ACSM6: variants seen among roughly 807,000 people sequenced by gnomAD.
ACSM6 encodes acyl-coenzyme A synthetase ACSM6, mitochondrial.
Under a neutral mutation model 51.1 loss-of-function variants are expected in ACSM6, and 35 were observed. That is an observed-to-expected ratio of 0.69 (90% CI 0.52 to 0.91). ACSM6 has a LOEUF of 0.91. Among genes scored for constraint, ACSM6 ranks in the 40% least tolerant of loss-of-function variants. ACSM6 has a pLI of 0.00. For synonymous variants in ACSM6, 172 were observed against 207.3 expected, an observed-to-expected ratio of 0.83 and a Z score of 1.46; for missense variants, 509 against 584.1, an observed-to-expected ratio of 0.87 and a Z score of 1.32.
intron 9 of ACSM6, among the ~76,000 whole-genome samples, chr10:95,223,159 G>GACACACACACACACACAC (rs10572248): frequency 6.8e-6 from 1 of 146,798 alleles, no homozygotes; most frequent in Non-Finnish European, 1.5e-5. Context: ...CACACATACA[G>GACACACACACACACACAC]ACACACACAC....
exon 10 of ACSM6, chr10:95,225,298 T>C: frequency 6.4e-7 from 1 of 1,550,702 alleles, no homozygotes; most frequent in Non-Finnish European, 8.7e-7. Flanking sequence ...AGATTGTGGA[T>C]GAAAACTCAA....
rs186453027 is a variant in ACSM6, at chr10:95,196,489, T to C, written c.192+1812T>C. Among the ~76,000 whole-genome samples, 312 of 152,344 alleles carry C rather than the reference T, an allele frequency of 2.0e-3. 2 individuals are homozygous for C. The highest frequency in any genetic ancestry group is 3.0e-3 in the Non-Finnish European group (203 of 68,032). On this transcript the variant is annotated intron_variant, in intron 2 of 10. Coordinates refer to ENST00000341686, the Ensembl canonical transcript of ACSM6. ...CATTTAAGAGCACTTCATCATAGAA[T>C]TGTTAGAAAATACTGGTAAACATGA...
chr10:95,201,932 T>C (rs1263901601), intron 2 of ACSM6, 53 bp from the exon 3 acceptor site: 1 of 1,489,366 alleles, frequency 6.7e-7, no homozygotes, highest in East Asian at 2.5e-5. Flanking sequence ...TGGCCTCCCA[T>C]AGCCAATGTC....
intron 2 of ACSM6, chr10:95,201,346 C>G (rs141500188): frequency 0.032 from 12,636 of 391,284 alleles, 306 homozygotes; most frequent in Non-Finnish European, 0.041. Context: ...TCTATTATTT[C>G]CATCTTTATG....
chr10:95,200,365 G>C (rs867836970), intron 2 of ACSM6, among the ~76,000 whole-genome samples: 14 of 110,902 alleles, frequency 1.3e-4, no homozygotes, highest in Middle Eastern at 0.011. Context: ...GGGGAGGGGG[G>C]AGGGATAGCA....
intron 7 of ACSM6, among the ~76,000 whole-genome samples, chr10:95,213,829 G>A (rs550407110): frequency 2.1e-4 from 32 of 152,196 alleles, no homozygotes; most frequent in African/African-American, 7.5e-4. Flanking sequence ...AGCTATGTGG[G>A]CAAGGACATA....
intron 3 of ACSM6, among the ~76,000 whole-genome samples, chr10:95,204,447 C>T (rs528458044): frequency 2.0e-5 from 3 of 151,958 alleles, no homozygotes; most frequent in African/African-American, 7.2e-5. Context: ...CCAGCTAATC[C>T]GGAGGCTGAG....
At chr10:95,219,600 A>G (rs563493468) in intron 8 of ACSM6, among the ~76,000 whole-genome samples, 15 of 152,082 alleles carry the variant, frequency 9.9e-5, no homozygotes, top group Admixed American at 9.8e-4. Flanking sequence ...TTTTCCTTGA[A>G]TTTGTTATTT....
At chr10:95,202,282 T>A (rs2034802489) in intron 3 of ACSM6, 87 bp downstream of exon 3, 4 of 1,183,168 alleles carry the variant, frequency 3.4e-6, no homozygotes, top group African/African-American at 1.5e-5. Context: ...GTTAGAGGGA[T>A]CTCTATCTGA....
At chr10:95,222,704 G>T (rs1371693678) in intron 9 of ACSM6, among the ~76,000 whole-genome samples, 2 of 151,908 alleles carry the variant, frequency 1.3e-5, no homozygotes, top group Admixed American at 1.3e-4. Context: ...GAGAAAACAG[G>T]AAGGTATCCA....
chr10:95,207,158 T>A, intron 3 of ACSM6, 50 bp from the exon 4 acceptor site: 1 of 1,576,636 alleles, frequency 6.3e-7, no homozygotes, highest in Non-Finnish European at 8.7e-7. Flanking sequence ...TGAGGAAAAA[T>A]TCTCTACTCA....
intron 2 of ACSM6, among the ~76,000 whole-genome samples, chr10:95,197,171 C>G (rs2034736257): frequency 6.6e-6 from 1 of 152,148 alleles, no homozygotes; most frequent in Non-Finnish European, 1.5e-5. Context: ...TTGTACTAGT[C>G]TGTTCATCAG....
chr10:95,222,110 A>G (rs1308891293), intron 9 of ACSM6, among the ~76,000 whole-genome samples: 2 of 152,234 alleles, frequency 1.3e-5, no homozygotes, highest in Non-Finnish European at 2.9e-5. Flanking sequence ...GAAGTATTCA[A>G]ATCAGAAAGG....
intron 8 of ACSM6, among the ~76,000 whole-genome samples, chr10:95,215,269 AATG>A (rs1474953848): frequency 2.0e-5 from 3 of 152,198 alleles, no homozygotes; most frequent in Non-Finnish European, 2.9e-5. Context: ...AGAATGAAAA[AATG>A]ATGGGGTACA....
intron 9 of ACSM6, among the ~76,000 whole-genome samples, chr10:95,221,022 A>G (rs2034990376): frequency 6.6e-6 from 1 of 152,154 alleles, no homozygotes; most frequent in South Asian, 2.1e-4. Flanking sequence ...TAAAATGAGC[A>G]TGTAATTTTC....
rs1285131607 is a variant in ACSM6, at chr10:95,194,692, T to C, written c.192+15T>C. On this transcript the variant is annotated intron_variant, in intron 2 of 10. Transcript: ENST00000341686. ...AGCTGGAAAAGGTAAAACTTGTTGT[T>C]TTCTACCTTGGAAACTTTGGCCAAG... 1.3e-6 allele frequency: 2 copies of C among 1,548,034 alleles called. No individual in the cohort carries two copies. The highest frequency in any genetic ancestry group is 2.7e-5 in the African/African-American group (2 of 72,900).
intron 3 of ACSM6, among the ~76,000 whole-genome samples, chr10:95,202,893 T>C: frequency 6.8e-6 from 1 of 147,670 alleles, no homozygotes; most frequent in Non-Finnish European, 1.5e-5. Context: ...GTGCTGAGAT[T>C]GTGCCACTGC....
chr10:95,194,460 C>T lies in ACSM6; in HGVS notation c.-21-5C>T. On this transcript the variant is annotated splice_region_variant and splice_polypyrimidine_tract_variant and intron_variant, in intron 1 of 10. Transcript: ENST00000341686. ...TACTCCCTGTCTTTTCCTCAATTTA[C>T]CTAGGTGGTTCCCTGTCTGACCCAA... 1 of 1,546,672 alleles carries T rather than the reference C, an allele frequency of 6.5e-7. No individual in the cohort carries two copies.
intron 3 of ACSM6, among the ~76,000 whole-genome samples, chr10:95,204,369 T>A (rs145947503): frequency 6.6e-6 from 1 of 151,998 alleles, no homozygotes; most frequent in Non-Finnish European, 1.5e-5. Flanking sequence ...CTGGCCAACA[T>A]GGTGAAACCC....
Sources: allele counts gnomAD v4.1 joint callset (sites outside exome capture counted in the v4.1 genomes callset), GRCh38; gene constraint gnomAD v4.1.1; transcripts MANE v1.5; gene names NCBI Gene and HGNC (gene_info 2026-07-23, HGNC 2026-07-21).